The following PSMG4 variants were observed in gnomAD, a reference collection of about 807,000 sequenced individuals.
The protein encoded by PSMG4 is proteasome assembly chaperone 4, also known as proteasome (prosome, macropain) assembly chaperone 4.
A neutral mutation model predicts 11.0 loss-of-function variants in PSMG4; 10 were observed. The observed-to-expected ratio is 0.91, with a 90% CI of 0.56 to 1.54. The LOEUF (loss-of-function observed/expected upper bound fraction) is 1.54. Ranked by LOEUF, PSMG4 falls within the 40% of genes most tolerant of loss-of-function variation. The probability of loss-of-function intolerance (pLI) is 0.00; values close to 1 mark genes in which losing one functional copy is unlikely to be tolerated. For missense variants in PSMG4, 198 were observed against 160.9 expected (o/e 1.23, Z -1.25); for synonymous variants, 95 against 71.3 (o/e 1.33, Z -1.68).
chr6:3,261,833 T>C (rs1297465347), intron 1 of PSMG4, among the ~76,000 whole-genome samples: 3 of 152,198 alleles, frequency 2.0e-5, no homozygotes, highest in Non-Finnish European at 1.5e-5. Flanking sequence ...GTGGAGCTCT[T>C]GTACCTTGGT....
chr6:3,257,914 T>C (rs116787535), upstream of PSMG4, among the ~76,000 whole-genome samples: 1,615 of 152,382 alleles, frequency 0.011, 15 homozygotes, highest in Non-Finnish European at 0.017. Context: ...TTAACTGTAT[T>C]ATTGAATCAT....
upstream of PSMG4, chr6:3,255,005 C>A: frequency 6.5e-7 from 1 of 1,542,262 alleles, no homozygotes; most frequent in Non-Finnish European, 8.8e-7. Flanking sequence ...AGCGCACTCC[C>A]ATGTGGGAGC....
upstream of PSMG4, among the ~76,000 whole-genome samples, chr6:3,254,414 C>G (rs771264486): frequency 9.9e-5 from 15 of 151,952 alleles, no homozygotes; most frequent in Middle Eastern, 3.4e-3. Flanking sequence ...GGTGGCACAT[C>G]TGAGGAGGTA....
chr6:3,266,211 C>G (rs1230286548), intron 2 of PSMG4: 1 of 151,960 alleles, frequency 6.6e-6, no homozygotes, highest in Non-Finnish European at 1.5e-5. Context: ...GGGCCTGGGC[C>G]TGCGCCTGCA....
In PSMG4 at chr6:3,264,822, ATC is replaced by A. The variant is rs1035779992; in HGVS notation, c.250+1065_250+1066del. 19 of 156,570 alleles carry A rather than the reference ATC, an allele frequency of 1.2e-4. 1 individual carries two copies. The highest frequency in any genetic ancestry group is 3.1e-4 in the African/African-American group (13 of 41,444). 9.7% of individuals were successfully genotyped at this position (156,570 alleles called of 1,614,324 possible). On this transcript the variant is annotated intron_variant, in intron 2 of 2. Coordinates refer to ENST00000438998, the MANE Select transcript of PSMG4 (RefSeq NM_001128591.2). Reference sequence around the variant, plus strand: ...GCCACCCTTCCCTCTTTGTGTTTGTATCTTTTTTTTTCTGAGCCACATGAAAG... The same window carrying A: ...GCCACCCTTCCCTCTTTGTGTTTGTATTTTTTTTTCTGAGCCACATGAAAG...
chr6:3,259,614 C>T (rs1166888023), intron 1 of PSMG4, among the ~76,000 whole-genome samples: 3 of 152,252 alleles, frequency 2.0e-5, no homozygotes, highest in Admixed American at 6.5e-5. Flanking sequence ...AGGCTCTCTT[C>T]TCCAAACCTG....
intron 1 of PSMG4, among the ~76,000 whole-genome samples, chr6:3,260,289 A>ATT (rs1264357024): frequency 6.1e-4 from 19 of 31,080 alleles, no homozygotes; most frequent in African/African-American, 2.1e-3. Context: ...ATATATATAT[A>ATT]TATTTTTTTT....
At chr6:3,262,169 C>G (rs1006010844) in intron 1 of PSMG4, among the ~76,000 whole-genome samples, 1 of 152,080 alleles carries the variant, frequency 6.6e-6, no homozygotes, top group Non-Finnish European at 1.5e-5. Flanking sequence ...ATTCTTGGAC[C>G]CCCCGCCCGG....
upstream of PSMG4, chr6:3,258,748 C>T (rs182455455): frequency 9.6e-5 from 30 of 311,256 alleles, no homozygotes; most frequent in East Asian, 1.5e-3. Context: ...AGTGGGTTTC[C>T]CCAGCCCGTC....
chr6:3,255,294 T>C (rs554174348), upstream of PSMG4: 90 of 1,526,870 alleles, frequency 5.9e-5, no homozygotes, highest in East Asian at 6.4e-4. Flanking sequence ...TCGGTGCCCA[T>C]CCTGGGAGAG....
Position 3,267,840 on chromosome 6 carries a change from T to A in PSMG4, c.*128T>A. On this transcript the variant is annotated 3_prime_UTR_variant, in exon 3 of 3. Coordinates refer to ENST00000438998, the MANE Select transcript of PSMG4 (RefSeq NM_001128591.2). ...TAAGGGGTTAATCTTTTGAGCTTCC[T>A]TCTCAGCAGTGTGTGGGCCAAAAGG... 1 of 985,320 alleles carries A rather than the reference T, an allele frequency of 1.0e-6. No homozygotes were observed. Among genetic ancestry groups the A allele is most frequent in the Non-Finnish European group, 1.5e-6 (1 of 680,166 alleles). The allele number at this position is 985,320 out of a possible 1,614,324, so 61.0% of individuals were successfully genotyped here. A position where few individuals can be genotyped will look rare whatever the true frequency, so the allele number is the denominator to read the frequency against.
chr6:3,254,411 C>T (rs560510006), upstream of PSMG4, among the ~76,000 whole-genome samples: 32 of 152,188 alleles, frequency 2.1e-4, no homozygotes, highest in African/African-American at 4.8e-4. Flanking sequence ...GTTGGTGGCA[C>T]ATCTGAGGAG....
upstream of PSMG4, among the ~76,000 whole-genome samples, chr6:3,255,688 C>T (rs543375848): frequency 7.9e-5 from 12 of 152,194 alleles, no homozygotes; most frequent in South Asian, 4.1e-4. Context: ...TGAGATCCCT[C>T]CTATGGCCAA....
At position 3,263,811 on chromosome 6, in the gene PSMG4, T is replaced by C. The variant is rs775190675; in HGVS notation, c.250+52T>C. ...GGCCAGCCAGGTGGGGCCCACTCTT[T>C]AATGGAACCATGAAGCAAGTCCCTT... is the stretch of plus-strand genomic sequence containing the variant. On this transcript the variant is annotated intron_variant, in intron 2 of 2. Coordinates refer to ENST00000438998, the MANE Select transcript of PSMG4 (RefSeq NM_001128591.2). 33 of 1,529,634 alleles carry C rather than the reference T, an allele frequency of 2.2e-5. 1 individual carries two copies. The Middle Eastern group carries it at 1.4e-3, about 63-fold the overall frequency. 94.8% of individuals were successfully genotyped at this position (1,529,634 alleles called of 1,614,324 possible).
chr6:3,260,291 A>ATTTTTTTTT (rs869076629), intron 1 of PSMG4, among the ~76,000 whole-genome samples: 23,022 of 70,310 alleles, frequency 0.33, 5,809 homozygotes, highest in Non-Finnish European at 0.44. Flanking sequence ...ATATATATAT[A>ATTTTTTTTT]TTTTTTTTTT....
chr6:3,257,451 C>T (rs749553225), upstream of PSMG4, among the ~76,000 whole-genome samples: 3 of 152,186 alleles, frequency 2.0e-5, no homozygotes, highest in East Asian at 1.9e-4. Flanking sequence ...CTCCACCGGT[C>T]GGTAACTTTG....
upstream of PSMG4, among the ~76,000 whole-genome samples, chr6:3,256,540 A>C (rs567845518): frequency 4.8e-4 from 73 of 152,360 alleles, 1 homozygote; most frequent in Non-Finnish European, 1.3e-4. Flanking sequence ...TTGTTACGGC[A>C]CATGGTGGTG....
chr6:3,262,747 T>A (rs1461997607), intron 1 of PSMG4, among the ~76,000 whole-genome samples: 6 of 151,996 alleles, frequency 3.9e-5, no homozygotes, highest in Non-Finnish European at 8.8e-5. Flanking sequence ...CTCCTAGAAA[T>A]CTGCTATTTT....
intron 1 of PSMG4, among the ~76,000 whole-genome samples, chr6:3,260,047 C>T (rs1203348177): frequency 1.3e-5 from 2 of 152,056 alleles, no homozygotes; most frequent in Admixed American, 1.3e-4. Flanking sequence ...TTAAGTGATC[C>T]TCCTTCCTCA....
Sources: allele counts gnomAD v4.1 joint callset (sites outside exome capture counted in the v4.1 genomes callset), GRCh38; gene constraint gnomAD v4.1.1; transcripts MANE v1.5; gene names NCBI Gene and HGNC (gene_info 2026-07-23, HGNC 2026-07-21).